TCF7L2: variants seen among roughly 807,000 people sequenced by gnomAD.
TCF7L2 encodes the protein transcription factor 7-like 2.
Under a neutral mutation model 77.9 loss-of-function variants are expected in TCF7L2, and 23 were observed. The observed-to-expected ratio is 0.30, with a 90% CI of 0.21 to 0.42. The LOEUF (loss-of-function observed/expected upper bound fraction) is 0.42, where lower values mean the gene tolerates loss of function less well. TCF7L2 is among the 10% of genes least tolerant of loss of function. The pLI is 1.00. For missense variants in TCF7L2, 654 were observed against 793.1 expected (o/e 0.82, Z 2.11); for synonymous variants, 413 against 340.2 (o/e 1.21, Z -2.36).
intron 4 of TCF7L2, among the ~76,000 whole-genome samples, chr10:113,023,372 C>G (rs1451351378): frequency 6.6e-6 from 1 of 152,194 alleles, no homozygotes; most frequent in Admixed American, 6.5e-5. Context: ...ATTTGGGAAA[C>G]TTTAGGCGGC....
intron 4 of TCF7L2, among the ~76,000 whole-genome samples, chr10:112,982,284 G>A (rs571525239): frequency 6.6e-6 from 1 of 151,956 alleles, no homozygotes; most frequent in South Asian, 2.1e-4. Context: ...TTACTTAATT[G>A]CTATGTGGCT....
intron 5 of TCF7L2, among the ~76,000 whole-genome samples, chr10:113,093,292 A>G (rs1214478861): frequency 1.3e-5 from 2 of 152,204 alleles, no homozygotes; most frequent in South Asian, 2.1e-4. Flanking sequence ...AGAGAAAGCA[A>G]TATCCATAAG....
At chr10:113,029,486 A>G (rs1430212432) in intron 4 of TCF7L2, among the ~76,000 whole-genome samples, 4 of 146,382 alleles carry the variant, frequency 2.7e-5, no homozygotes, top group African/African-American at 5.0e-5. Flanking sequence ...TCTATGGTGG[A>G]GTGTGTGTGT....
intron 4 of TCF7L2, among the ~76,000 whole-genome samples, chr10:112,985,906 T>A (rs556642093): frequency 6.7e-6 from 1 of 150,030 alleles, no homozygotes; most frequent in Non-Finnish European, 1.5e-5. Context: ...TCTTGTTAAC[T>A]CTATTAGTGC....
intron 5 of TCF7L2, among the ~76,000 whole-genome samples, chr10:113,102,427 G>GT (rs759557227): frequency 0.028 from 3,996 of 141,450 alleles, 151 homozygotes; most frequent in African/African-American, 0.087. Context: ...TTGTTTGTTT[G>GT]TTTTTTTTTT....
At chr10:113,109,473 C>G (rs2062844640) in intron 5 of TCF7L2, among the ~76,000 whole-genome samples, 1 of 152,210 alleles carries the variant, frequency 6.6e-6, no homozygotes, top group Non-Finnish European at 1.5e-5. Context: ...CTCACAGCAA[C>G]CTCCCCTCCT....
chr10:112,986,915 T>C (rs10885401), intron 4 of TCF7L2, among the ~76,000 whole-genome samples: 3,464 of 152,292 alleles, frequency 0.023, 63 homozygotes, highest in Non-Finnish European at 0.032. Flanking sequence ...CTGTTTTTGC[T>C]CCTGGGCTTT....
intron 5 of TCF7L2, chr10:113,130,128 A>G: frequency 1.5e-6 from 1 of 679,434 alleles, no homozygotes; most frequent in Non-Finnish European, 1.9e-6. Flanking sequence ...ACAAGAATAA[A>G]TGGTCAACTC....
At chr10:113,038,746 T>C (rs1475500680) in intron 4 of TCF7L2, among the ~76,000 whole-genome samples, 1 of 152,172 alleles carries the variant, frequency 6.6e-6, no homozygotes, top group Non-Finnish European at 1.5e-5. Context: ...TGTCACAGTG[T>C]CACCATGTTC....
intron 5 of TCF7L2, among the ~76,000 whole-genome samples, chr10:113,100,684 G>C (rs890340509): frequency 6.6e-6 from 1 of 152,202 alleles, no homozygotes; most frequent in African/African-American, 2.4e-5. Flanking sequence ...AACAAATCAG[G>C]TGGAAAGGGA....
chr10:113,144,102 G>GTGTGTGTGTGTGTC (rs1471861143), intron 7 of TCF7L2, 77 bp downstream of exon 7: 3 of 27,138 alleles, frequency 1.1e-4, no homozygotes, highest in African/African-American at 4.3e-4. Flanking sequence ...GTGTGTGTCT[G>GTGTGTGTGTGTGTC]TGTGTGTGTG....
At chr10:113,132,118 G>A (rs2066698836) in intron 5 of TCF7L2, 1 of 152,240 alleles carries the variant, frequency 6.6e-6, no homozygotes, top group Non-Finnish European at 1.5e-5. Context: ...CTTCCTTTCT[G>A]TCGGTCTTTG....
At chr10:112,959,797 T>G (rs1351618557) in intron 3 of TCF7L2, among the ~76,000 whole-genome samples, 1 of 152,126 alleles carries the variant, frequency 6.6e-6, no homozygotes, top group Non-Finnish European at 1.5e-5. Flanking sequence ...GAAGCTGGGC[T>G]TATAATGGCC....
intron 4 of TCF7L2, among the ~76,000 whole-genome samples, chr10:113,017,105 C>CAGACAGGCT (rs1427316780): frequency 3.9e-4 from 60 of 152,292 alleles, no homozygotes; most frequent in African/African-American, 1.4e-3. Context: ...ATGGAACAGC[C>CAGACAGGCT]AGGAATACTC....
chr10:113,067,186 A>C (rs1455197506), intron 5 of TCF7L2, among the ~76,000 whole-genome samples: 1 of 152,222 alleles, frequency 6.6e-6, no homozygotes, highest in African/African-American at 2.4e-5. Context: ...TTGGACAATG[A>C]TATATACTTT....
At chr10:113,144,602 C>G (rs1045533862) in intron 7 of TCF7L2, among the ~76,000 whole-genome samples, 1 of 152,124 alleles carries the variant, frequency 6.6e-6, no homozygotes, top group Admixed American at 6.5e-5. Context: ...AAAGTTTTGT[C>G]TGTTGAGAAG....
chr10:113,121,236 G>C (rs931976050), intron 5 of TCF7L2, among the ~76,000 whole-genome samples: 9 of 152,168 alleles, frequency 5.9e-5, no homozygotes, highest in African/African-American at 2.2e-4. Flanking sequence ...GGAATGGAGA[G>C]AGCCTTGCCC....
At chr10:113,065,102 G>C (rs2135031449) in intron 5 of TCF7L2, among the ~76,000 whole-genome samples, 1 of 152,344 alleles carries the variant, frequency 6.6e-6, no homozygotes, top group African/African-American at 2.4e-5. Context: ...TACAAGCTGG[G>C]AAGCTGGGCC....
Position 113,141,276 on chromosome 10 carries a change from C to T in TCF7L2, c.645C>T (p.Asn215=). 6.2e-7 allele frequency: 1 copy of T among 1,614,166 alleles called. No individual in the cohort carries two copies. Among genetic ancestry groups the T allele is most frequent in the Non-Finnish European group, 8.5e-7 (1 of 1,180,034 alleles). Residue 215 remains asparagine (N), a synonymous_variant, in exon 6 of 14, where the codon AAC becomes AAT. Coordinates refer to ENST00000627217, the MANE Select transcript of TCF7L2 (RefSeq NM_001146274.2). ...GCAATGAACACTTCACGCCGGGAAA[C>T]CCACCTCCACACTTACCAGCCGACG...
Sources: allele counts gnomAD v4.1 joint callset (sites outside exome capture counted in the v4.1 genomes callset), GRCh38; gene constraint gnomAD v4.1.1; transcripts MANE v1.5; gene names NCBI Gene and HGNC (gene_info 2026-07-23, HGNC 2026-07-21).